Variants in ASIC2 observed in about 807,000 individuals in gnomAD.
ASIC2 encodes acid sensing ion channel subunit 2.
Under a neutral mutation model 57.3 loss-of-function variants are expected in ASIC2, and 25 were observed. That is an observed-to-expected ratio of 0.44 (90% CI 0.32 to 0.61). The LOEUF (loss-of-function observed/expected upper bound fraction) is 0.61. Ranked by LOEUF, ASIC2 falls within the 20% of genes least tolerant of loss-of-function variation. The probability of loss-of-function intolerance (pLI) is 0.06; values close to 1 mark genes in which losing one functional copy is unlikely to be tolerated. For synonymous variants in ASIC2, 319 were observed against 307.5 expected (o/e 1.04, Z -0.39); for missense variants, 641 against 738.1 (o/e 0.87, Z 1.52).
intron 1 of ASIC2, among the ~76,000 whole-genome samples, chr17:33,758,354 ATTAT>A (rs1910677193): frequency 6.6e-6 from 1 of 152,184 alleles, no homozygotes; most frequent in African/African-American, 2.4e-5. Context: ...TTTTGAGAAA[ATTAT>A]TTATTGTATA....
chr17:33,033,235 C>T (rs898934765), intron 3 of ASIC2, among the ~76,000 whole-genome samples: 2 of 152,214 alleles, frequency 1.3e-5, no homozygotes, highest in Non-Finnish European at 2.9e-5. Context: ...CCCACAGCTG[C>T]AGACCCAGGC....
intron 1 of ASIC2, among the ~76,000 whole-genome samples, chr17:33,369,801 G>T (rs904231619): frequency 7.2e-5 from 11 of 152,168 alleles, no homozygotes; most frequent in African/African-American, 2.7e-4. Context: ...TATTAGTGCT[G>T]TTGTTGTTAT....
intron 1 of ASIC2, among the ~76,000 whole-genome samples, chr17:33,233,618 TG>T (rs1248383267): frequency 6.6e-6 from 1 of 151,380 alleles, no homozygotes. Flanking sequence ...GCCTTTCAAC[TG>T]GTTTTTTTTT....
At chr17:33,813,812 G>A (rs1468259423) in intron 1 of ASIC2, among the ~76,000 whole-genome samples, 1 of 151,860 alleles carries the variant, frequency 6.6e-6, no homozygotes, top group Non-Finnish European at 1.5e-5. Context: ...AATTTGGCAT[G>A]CTTTACATTT....
At chr17:33,316,396 C>T (rs1440817803) in intron 1 of ASIC2, among the ~76,000 whole-genome samples, 1 of 152,214 alleles carries the variant, frequency 6.6e-6, no homozygotes, top group Non-Finnish European at 1.5e-5. Context: ...GCGTTCTAGG[C>T]ATTGCAAACT....
chr17:33,115,574 T>C lies in ASIC2; in HGVS notation c.709-3507A>G, dbSNP rs148874889. Among the ~76,000 whole-genome samples the C allele has an allele frequency of 9.7e-3, 1,479 of 152,308 alleles. 21 individuals carry two copies. The highest frequency in any genetic ancestry group is 0.034 in the African/African-American group (1,394 of 41,558). On this transcript the variant is annotated intron_variant, in intron 1 of 9. Transcript: ENST00000225823. ...CCTAGAGTGTTCTCTGCCTAGAATGTTCTGGCGCGCTTTGCCTGGCCAGCT... is the reference window on the plus strand; with the variant it reads ...CCTAGAGTGTTCTCTGCCTAGAATGCTCTGGCGCGCTTTGCCTGGCCAGCT...
At chr17:33,966,650 C>A (rs758297511) in intron 1 of ASIC2, among the ~76,000 whole-genome samples, 1 of 152,148 alleles carries the variant, frequency 6.6e-6, no homozygotes, top group Non-Finnish European at 1.5e-5. Context: ...CACTGTGGGT[C>A]GGATGACACT....
chr17:33,241,674 A>G (rs1322517514), intron 1 of ASIC2, among the ~76,000 whole-genome samples: 1 of 152,222 alleles, frequency 6.6e-6, no homozygotes, highest in Non-Finnish European at 1.5e-5. Flanking sequence ...GAAGACTGTA[A>G]CAATCCTGTG....
intron 1 of ASIC2, among the ~76,000 whole-genome samples, chr17:33,644,563 A>G (rs1227020538): frequency 6.6e-6 from 1 of 152,226 alleles, no homozygotes; most frequent in Non-Finnish European, 1.5e-5. Flanking sequence ...GGAATGTCTC[A>G]CAGAAACATA....
chr17:33,131,965 T>G (rs2092347969), intron 1 of ASIC2, among the ~76,000 whole-genome samples: 1 of 152,130 alleles, frequency 6.6e-6, no homozygotes, highest in African/African-American at 2.4e-5. Flanking sequence ...ACAATCATCC[T>G]GAGACAGGAG....
intron 1 of ASIC2, among the ~76,000 whole-genome samples, chr17:33,583,925 G>C (rs2142001194): frequency 6.6e-6 from 1 of 151,984 alleles, no homozygotes; most frequent in Non-Finnish European, 1.5e-5. Flanking sequence ...TAGGTCCCAG[G>C]CAGACATGTT....
chr17:33,515,984 C>T (rs1308206991), intron 1 of ASIC2, among the ~76,000 whole-genome samples: 10 of 151,980 alleles, frequency 6.6e-5, no homozygotes, highest in Admixed American at 6.6e-4. Context: ...GTAGTCCCAG[C>T]TACTTGGGGC....
chr17:33,782,718 G>T (rs879887973), intron 1 of ASIC2, among the ~76,000 whole-genome samples: 1 of 151,964 alleles, frequency 6.6e-6, no homozygotes, highest in South Asian at 2.1e-4. Context: ...ACAAAGCAAG[G>T]CCCTGCCACT....
At chr17:33,893,493 T>A (rs1597919617) in intron 1 of ASIC2, among the ~76,000 whole-genome samples, 1 of 152,194 alleles carries the variant, frequency 6.6e-6, no homozygotes, top group African/African-American at 2.4e-5. Flanking sequence ...AAATTCCAAT[T>A]TATAGGAGGT....
At chr17:33,558,463 TG>T (rs1915975097) in intron 1 of ASIC2, among the ~76,000 whole-genome samples, 1 of 152,226 alleles carries the variant, frequency 6.6e-6, no homozygotes, top group Non-Finnish European at 1.5e-5. Flanking sequence ...AGGAATTCTG[TG>T]GTGTTCTCTA....
chr17:33,738,533 T>G (rs1482270677), intron 1 of ASIC2, among the ~76,000 whole-genome samples: 1 of 152,174 alleles, frequency 6.6e-6, no homozygotes, highest in Non-Finnish European at 1.5e-5. Flanking sequence ...CCAATGAGTC[T>G]CCCTGAGCCA....
chr17:33,478,439 T>C (rs1318966656), intron 1 of ASIC2, among the ~76,000 whole-genome samples: 1 of 152,244 alleles, frequency 6.6e-6, no homozygotes, highest in Non-Finnish European at 1.5e-5. Flanking sequence ...GGCTGAAAAG[T>C]CCTATGTGCA....
intron 1 of ASIC2, among the ~76,000 whole-genome samples, chr17:33,593,259 T>C (rs192536534): frequency 1.8e-3 from 269 of 152,270 alleles, no homozygotes; most frequent in African/African-American, 5.9e-3. Context: ...GATAAATGAA[T>C]TTTCCTCTTT....
chr17:33,694,623 G>C (rs1182287457), intron 1 of ASIC2, among the ~76,000 whole-genome samples: 1 of 152,142 alleles, frequency 6.6e-6, no homozygotes, highest in East Asian at 1.9e-4. Context: ...ATAAGTGGAA[G>C]AGACCCAGTC....
Sources: allele counts gnomAD v4.1 joint callset (sites outside exome capture counted in the v4.1 genomes callset), GRCh38; gene constraint gnomAD v4.1.1; transcripts MANE v1.5; gene names NCBI Gene and HGNC (gene_info 2026-07-23, HGNC 2026-07-21).